Variants in SLC9A8 observed in about 807,000 individuals in gnomAD.
The protein encoded by SLC9A8 is solute carrier family 9 member A8.
Under a neutral mutation model 66.6 loss-of-function variants are expected in SLC9A8, and 48 were observed. The observed-to-expected ratio is 0.72, with a 90% CI of 0.57 to 0.92. The LOEUF (loss-of-function observed/expected upper bound fraction) is 0.92, where lower values mean the gene tolerates loss of function less well. SLC9A8 is among the 40% of genes least tolerant of loss of function. The pLI is 0.00. For synonymous variants in SLC9A8, 274 were observed against 282.6 expected, an observed-to-expected ratio of 0.97 and a Z score of 0.31; for missense variants, 599 against 747.3, an observed-to-expected ratio of 0.80 and a Z score of 2.31.
intron 3 of SLC9A8, among the ~76,000 whole-genome samples, chr20:49,828,262 A>G (rs2087001988): frequency 1.3e-5 from 2 of 151,674 alleles, no homozygotes. Flanking sequence ...TTGTATTTTT[A>G]GTAGAAACAG....
At chr20:49,869,720 C>G (rs925265986) in intron 10 of SLC9A8, among the ~76,000 whole-genome samples, 4 of 151,990 alleles carry the variant, frequency 2.6e-5, no homozygotes, top group Non-Finnish European at 4.4e-5. Flanking sequence ...GTAGTCCCAG[C>G]TACTCGGCAG....
chr20:49,857,745 T>C (rs955397301), intron 8 of SLC9A8, among the ~76,000 whole-genome samples: 2 of 152,148 alleles, frequency 1.3e-5, no homozygotes, highest in African/African-American at 2.4e-5. Context: ...AAAAGGGTAC[T>C]ATGAGAAAAG....
rs1379570800 is a variant in SLC9A8 at position 49,889,344 on chromosome 20, G to A, written c.*1408G>A. ...CTGCATGGGCCAGCATGGACCCTGG[G>A]CTGATCATGTGCATTCCTGCTTCTC... On this transcript the variant is annotated 3_prime_UTR_variant, in exon 16 of 16. Transcript: ENST00000361573. 6.6e-6 allele frequency: 1 copy of A among 152,254 alleles called. No homozygotes were observed. Among genetic ancestry groups the A allele is most frequent in the African/African-American group, 2.4e-5 (1 of 41,438 alleles). 9.4% of individuals were successfully genotyped at this position (152,254 alleles called of 1,614,324 possible). A position where few individuals can be genotyped will look rare whatever the true frequency, so the allele number is the denominator to read the frequency against.
In SLC9A8 at chr20:49,843,196, TG is replaced by T. The variant is rs559161069; in HGVS notation, c.349-1832del. 5.9e-4 allele frequency among the ~76,000 whole-genome samples: 89 copies of T among 150,552 alleles called. 3 individuals are homozygous for T. The South Asian group carries it at 0.016, about 28-fold the overall frequency. On this transcript the variant is annotated intron_variant, in intron 4 of 15. Transcript: ENST00000361573. The stretch of plus-strand genomic sequence containing the variant: ...AGGTAGATTCTCCTTTTTCCTGGGG[TG>T]GGGGGGGCTAGTTTTTATACCTCCA...
rs185204675 is a variant in SLC9A8 at position 49,888,145 on chromosome 20, C to A, written c.*209C>A. The stretch of plus-strand genomic sequence containing the variant: ...GACTTCTTGGGAAACTGTCATCTCC[C>A]GACTCCTCCCTGAGCCAGCCTCCGC... On this transcript the variant is annotated 3_prime_UTR_variant, in exon 16 of 16. Coordinates refer to ENST00000361573, the MANE Select transcript of SLC9A8 (RefSeq NM_015266.3). 6.0e-6 allele frequency: 3 copies of A among 498,962 alleles called. No homozygotes were observed. The highest frequency in any genetic ancestry group is 1.1e-5 in the Non-Finnish European group (3 of 273,302). 30.9% of individuals were successfully genotyped at this position (498,962 alleles called of 1,614,324 possible).
intron 7 of SLC9A8, among the ~76,000 whole-genome samples, chr20:49,854,307 C>T (rs890444947): frequency 6.6e-6 from 1 of 152,144 alleles, no homozygotes; most frequent in Non-Finnish European, 1.5e-5. Context: ...GCTCCTGCCA[C>T]TCACCCCACC....
chr20:49,886,925 CTGGGGGTCCCT>C lies in SLC9A8; in HGVS notation c.1638+30_1638+40del, dbSNP rs1293064894. Reference sequence around the variant, plus strand: ...TGGGATACCGGCCAGGCCACACTTTCTGGGGGTCCCTTGCCTGCCTCCTTCAGGACCTGCGG... The same window carrying C: ...TGGGATACCGGCCAGGCCACACTTTCTGCCTGCCTCCTTCAGGACCTGCGG... On this transcript the variant is annotated intron_variant, in intron 15 of 15. Transcript: ENST00000361573. This position sits in a 1 kb window ranked among gnomAD's most constrained non-coding sequence, Gnocchi z 4.8. 1.3e-6 allele frequency: 2 copies of C among 1,599,984 alleles called. No homozygotes were observed. The highest frequency in any genetic ancestry group is 2.2e-5 in the South Asian group (2 of 89,242).
intron 3 of SLC9A8, among the ~76,000 whole-genome samples, chr20:49,833,482 A>G (rs2087299722): frequency 6.6e-6 from 1 of 152,222 alleles, no homozygotes; most frequent in Non-Finnish European, 1.5e-5. Context: ...TACATTTGAA[A>G]CATTTTTCAT....
chr20:49,828,482 C>G (rs2087014155), intron 3 of SLC9A8, among the ~76,000 whole-genome samples: 1 of 150,558 alleles, frequency 6.6e-6, no homozygotes, highest in Admixed American at 6.6e-5. Flanking sequence ...CTTGGTCTCC[C>G]AAAGTGTTGG....
chr20:49,860,588 G>T (rs543102460), intron 8 of SLC9A8, among the ~76,000 whole-genome samples: 6 of 152,122 alleles, frequency 3.9e-5, no homozygotes, highest in African/African-American at 1.2e-4. Flanking sequence ...GGGCACGGTG[G>T]TGCGCATCTG....
At chr20:49,842,010 G>A (rs2087783420) in intron 4 of SLC9A8, among the ~76,000 whole-genome samples, 1 of 152,018 alleles carries the variant, frequency 6.6e-6, no homozygotes, top group African/African-American at 2.4e-5. Flanking sequence ...AAAGTGTTAG[G>A]ATTACAGGAT....
chr20:49,814,649 G>T (rs1220787537), intron 1 of SLC9A8, among the ~76,000 whole-genome samples: 1 of 152,184 alleles, frequency 6.6e-6, no homozygotes, highest in Admixed American at 6.5e-5. Flanking sequence ...GTAAATTGGA[G>T]AAACAAAGGT....
chr20:49,883,434 C>T (rs1458763595), intron 13 of SLC9A8, among the ~76,000 whole-genome samples: 3 of 152,268 alleles, frequency 2.0e-5, no homozygotes, highest in East Asian at 1.9e-4. Context: ...ACAAGAGTAG[C>T]GCTGCTCGGT....
At chr20:49,858,907 G>A (rs182032273) in intron 8 of SLC9A8, among the ~76,000 whole-genome samples, 11 of 150,758 alleles carry the variant, frequency 7.3e-5, no homozygotes, top group African/African-American at 9.8e-5. Flanking sequence ...GTAGTGAGCC[G>A]AGATCGCACC....
At chr20:49,875,808 C>T (rs1270185918) in intron 11 of SLC9A8, among the ~76,000 whole-genome samples, 1 of 151,898 alleles carries the variant, frequency 6.6e-6, no homozygotes, top group Non-Finnish European at 1.5e-5. Context: ...GATCTCAGCT[C>T]ACTGCAAGCT....
rs1384750911 is a variant in SLC9A8 at position 49,884,248 on chromosome 20, C to CG, written c.1491+182_1491+183insG. Reference sequence around the variant, plus strand: ...CACACACACACACACACACGACACACACACACACACGACACACACACACAC... The same window carrying CG: ...CACACACACACACACACACGACACACGACACACACACGACACACACACACAC... On this transcript the variant is annotated intron_variant, in intron 14 of 15. Transcript: ENST00000361573. The CG allele has an allele frequency of 2.6e-4, 92 of 348,666 alleles. 4 individuals are homozygous for CG. The highest frequency in any genetic ancestry group is 6.9e-4 in the African/African-American group (22 of 31,668). The allele number at this position is 348,666 out of a possible 1,614,324, so 21.6% of individuals were successfully genotyped here.
chr20:49,815,349 C>T, intron 2 of SLC9A8, 160 bp downstream of exon 2: 1 of 459,024 alleles, frequency 2.2e-6, no homozygotes, highest in Non-Finnish European at 3.7e-6. Context: ...ACATCATTAA[C>T]AGGAAACTCT....
chr20:49,816,566 C>A (rs2086556262), intron 2 of SLC9A8, among the ~76,000 whole-genome samples: 1 of 151,998 alleles, frequency 6.6e-6, no homozygotes, highest in Non-Finnish European at 1.5e-5. Flanking sequence ...TACCAGATAC[C>A]AGTCGAGAGG....
In SLC9A8 at chr20:49,812,906, C is replaced by T. The variant is rs910812825; in HGVS notation, c.-17C>T. Reference sequence around the variant, plus strand: ...GCCCCGCGGCTCCGAACTCGGTGGTCCTGGAAGCTCCGCAGGATGGGGGAG... The same window carrying T: ...GCCCCGCGGCTCCGAACTCGGTGGTTCTGGAAGCTCCGCAGGATGGGGGAG... On this transcript the variant is annotated 5_prime_UTR_variant, in exon 1 of 16. Coordinates refer to ENST00000361573, the MANE Select transcript of SLC9A8 (RefSeq NM_015266.3). 4.0e-6 allele frequency: 6 copies of T among 1,492,414 alleles called. No individual in the cohort carries two copies. The highest frequency in any genetic ancestry group is 5.3e-6 in the Non-Finnish European group (6 of 1,122,164). The allele number at this position is 1,492,414 out of a possible 1,614,324, so 92.4% of individuals were successfully genotyped here. A position where few individuals can be genotyped will look rare whatever the true frequency, so the allele number is the denominator to read the frequency against.
Sources: allele counts gnomAD v4.1 joint callset (sites outside exome capture counted in the v4.1 genomes callset), GRCh38; gene constraint gnomAD v4.1.1; non-coding constraint Gnocchi (gnomAD v3.1); transcripts MANE v1.5; gene names NCBI Gene and HGNC (gene_info 2026-07-23, HGNC 2026-07-21).